EPB41: variants seen among roughly 807,000 people sequenced by gnomAD.
EPB41 encodes the protein protein 4.1.
In EPB41, 65 loss-of-function variants were observed where a neutral mutation model predicts 108.0. That is an observed-to-expected ratio of 0.60 (90% CI 0.49 to 0.74). EPB41 has a LOEUF of 0.74. Ranked by LOEUF, EPB41 falls within the 30% of genes least tolerant of loss-of-function variation. EPB41 has a pLI of 0.00. For missense variants in EPB41, 875 were observed against 1,037.0 expected (o/e 0.84, Z 2.15); for synonymous variants, 336 against 358.9 (o/e 0.94, Z 0.72).
At chr1:29,081,881 A>G (rs570522238) in intron 16 of EPB41, among the ~76,000 whole-genome samples, 15 of 151,438 alleles carry the variant, frequency 9.9e-5, no homozygotes, top group East Asian at 5.8e-4. Context: ...AGAGTGGTCT[A>G]TTTACTAGCT....
intron 16 of EPB41, among the ~76,000 whole-genome samples, chr1:29,090,397 C>T (rs1660761898): frequency 6.6e-6 from 1 of 152,138 alleles, no homozygotes; most frequent in South Asian, 2.1e-4. Context: ...AGATGATTCT[C>T]AGAATTCTGG....
chr1:28,971,164 T>TTTC (rs1553201631), intron 1 of EPB41, among the ~76,000 whole-genome samples: 55 of 143,412 alleles, frequency 3.8e-4, no homozygotes, highest in Non-Finnish European at 7.5e-4. Flanking sequence ...AATCTTTTTT[T>TTTC]TTTCTTTCTT....
chr1:28,898,179 C>G (rs113319080), intron 1 of EPB41, among the ~76,000 whole-genome samples: 89 of 152,188 alleles, frequency 5.8e-4, no homozygotes, highest in African/African-American at 2.0e-3. Context: ...GTAGGGCCCA[C>G]GTCAGGCAGA....
intron 17 of EPB41, among the ~76,000 whole-genome samples, chr1:29,100,733 AAATT>A (rs952386502): frequency 2.0e-5 from 3 of 147,146 alleles, no homozygotes; most frequent in African/African-American, 4.9e-5. Context: ...TTAAATATGT[AAATT>A]AATATATAAT....
intron 16 of EPB41, among the ~76,000 whole-genome samples, chr1:29,094,671 GTTAT>G (rs1249896112): frequency 6.6e-6 from 1 of 152,132 alleles, no homozygotes; most frequent in Non-Finnish European, 1.5e-5. Flanking sequence ...TTGTGGCAAG[GTTAT>G]TTATTTTTCA....
intron 1 of EPB41, among the ~76,000 whole-genome samples, chr1:28,958,402 T>C (rs1012701202): frequency 1.3e-5 from 2 of 151,750 alleles, no homozygotes; most frequent in African/African-American, 4.8e-5. Context: ...GAGCTGAGAT[T>C]GCACCACTGC....
intron 4 of EPB41, among the ~76,000 whole-genome samples, chr1:29,009,072 CTGAT>C (rs1440561522): frequency 6.6e-6 from 1 of 151,942 alleles, no homozygotes; most frequent in Admixed American, 6.6e-5. Flanking sequence ...CTCGAACAAA[CTGAT>C]TGTTCTCTTT....
At chr1:29,039,466 C>T in intron 11 of EPB41, 40 bp downstream of exon 11, 1 of 1,609,434 alleles carries the variant, frequency 6.2e-7, no homozygotes, top group Non-Finnish European at 8.5e-7. Flanking sequence ...GATCATAATT[C>T]ATTTGGAAAG....
chr1:28,921,935 A>G (rs1178387578), intron 1 of EPB41, among the ~76,000 whole-genome samples: 1 of 68,818 alleles, frequency 1.5e-5, no homozygotes, highest in African/African-American at 8.2e-5. Context: ...TATTTATGAA[A>G]TTTTATATAT....
At chr1:28,949,454 A>C (rs2094616345) in intron 1 of EPB41, among the ~76,000 whole-genome samples, 1 of 152,096 alleles carries the variant, frequency 6.6e-6, no homozygotes, top group African/African-American at 2.4e-5. Context: ...AAAACTTACC[A>C]TCTCTGTATT....
At chr1:29,002,354 AG>A (rs2096310727) in intron 4 of EPB41, among the ~76,000 whole-genome samples, 1 of 151,742 alleles carries the variant, frequency 6.6e-6, no homozygotes, top group African/African-American at 2.4e-5. Context: ...CGGTAGGTTG[AG>A]GTGGGAGGAT....
intron 1 of EPB41, among the ~76,000 whole-genome samples, chr1:28,926,395 C>T (rs969597124): frequency 2.0e-5 from 3 of 152,164 alleles, no homozygotes; most frequent in East Asian, 1.9e-4. Flanking sequence ...TTAATCTTCA[C>T]CACAGCTCTT....
intron 4 of EPB41, among the ~76,000 whole-genome samples, chr1:29,006,922 T>C (rs969071976): frequency 5.3e-5 from 8 of 151,852 alleles, no homozygotes; most frequent in African/African-American, 1.9e-4. Flanking sequence ...AAAAAAAAGT[T>C]ACTTCATCCT....
upstream of EPB41, among the ~76,000 whole-genome samples, chr1:28,911,694 C>T (rs1397398089): frequency 6.6e-6 from 1 of 152,152 alleles, no homozygotes; most frequent in African/African-American, 2.4e-5. Context: ...GACTAGAACT[C>T]TGAATAAAAA....
intron 17 of EPB41, among the ~76,000 whole-genome samples, chr1:29,105,473 G>A (rs1666827003): frequency 6.6e-6 from 1 of 151,376 alleles, no homozygotes; most frequent in East Asian, 2.0e-4. Context: ...CCTGACCTCA[G>A]GTGATCCACC....
At chr1:29,048,710 C>G (rs932046386) in intron 11 of EPB41, among the ~76,000 whole-genome samples, 16 of 152,158 alleles carry the variant, frequency 1.1e-4, no homozygotes, top group Admixed American at 9.2e-4. Flanking sequence ...ACCATGATGA[C>G]TTCTTTTTTT....
intron 1 of EPB41, among the ~76,000 whole-genome samples, chr1:28,903,772 G>A (rs1012978828): frequency 6.6e-6 from 1 of 152,160 alleles, no homozygotes; most frequent in Admixed American, 6.5e-5. Context: ...GAAGGGAGGG[G>A]AAGTGAATTG....
intron 17 of EPB41, among the ~76,000 whole-genome samples, chr1:29,104,043 T>C (rs1021465756): frequency 1.3e-5 from 2 of 152,160 alleles, no homozygotes; most frequent in Non-Finnish European, 1.5e-5. Flanking sequence ...CAGAGTCAGA[T>C]TTCCTGGCTT....
At chr1:28,960,802 G>A (rs2095178652) in intron 1 of EPB41, among the ~76,000 whole-genome samples, 1 of 151,818 alleles carries the variant, frequency 6.6e-6, no homozygotes, top group Non-Finnish European at 1.5e-5. Flanking sequence ...GGAGGCCGAG[G>A]CGGGTGGATC....
Sources: gnomAD v4.1 joint callset for allele counts (sites outside exome capture counted in the v4.1 genomes callset) on GRCh38, gnomAD v4.1.1 for gene constraint, MANE v1.5 for transcripts, NCBI Gene and HGNC (gene_info 2026-07-23, HGNC 2026-07-21) for gene names.